Variants in EDIL3 observed in about 807,000 individuals in gnomAD.
The protein encoded by EDIL3 is EGF like and discoidin domains 3.
A neutral mutation model predicts 67.4 loss-of-function variants in EDIL3; 37 were observed. The ratio of observed to expected loss-of-function variants is 0.55; its 90% CI spans 0.42 to 0.72. The LOEUF (loss-of-function observed/expected upper bound fraction) is 0.72, where lower values mean the gene tolerates loss of function less well. Ranked by LOEUF, EDIL3 falls within the 30% of genes least tolerant of loss-of-function variation. The probability of loss-of-function intolerance (pLI) is 0.00; values close to 1 mark genes in which losing one functional copy is unlikely to be tolerated. For synonymous variants in EDIL3, 195 were observed against 196.3 expected (o/e 0.99, Z 0.05); for missense variants, 527 against 586.3 (o/e 0.90, Z 1.04).
chr5:84,236,279 C>T (rs778344214), intron 2 of EDIL3, among the ~76,000 whole-genome samples: 1 of 152,056 alleles, frequency 6.6e-6, no homozygotes, highest in Non-Finnish European at 1.5e-5. Context: ...AAATAGCCTA[C>T]ATTCATATCC....
At chr5:84,044,117 C>G (rs2112217053) in intron 9 of EDIL3, among the ~76,000 whole-genome samples, 1 of 152,086 alleles carries the variant, frequency 6.6e-6, no homozygotes, top group East Asian at 1.9e-4. Context: ...TCCATGTGTT[C>G]TCATTGTTTA....
chr5:84,289,727 C>A (rs553894700), intron 1 of EDIL3, among the ~76,000 whole-genome samples: 38 of 152,268 alleles, frequency 2.5e-4, no homozygotes, highest in African/African-American at 9.1e-4. Flanking sequence ...TATCTCCTTC[C>A]ATTCCTTTGA....
Position 84,191,912 on chromosome 5 carries a change from A to G in EDIL3, c.227-11391T>C, listed in dbSNP as rs886727381. Among the ~76,000 whole-genome samples, 7 of 152,030 alleles carry G rather than the reference A, an allele frequency of 4.6e-5. No homozygotes were observed. In the East Asian group the frequency reaches 1.2e-3, roughly 25 times the overall value. On this transcript the variant is annotated intron_variant, in intron 3 of 10. Transcript: ENST00000296591. Reference sequence around the variant, plus strand: ...ATATCAATTTACATAGACAAACTAAATAAGAATTTTAAAACTAAGAAAATA... The same window carrying G: ...ATATCAATTTACATAGACAAACTAAGTAAGAATTTTAAAACTAAGAAAATA...
intron 2 of EDIL3, among the ~76,000 whole-genome samples, chr5:84,239,169 T>C (rs1744743927): frequency 6.6e-6 from 1 of 152,206 alleles, no homozygotes; most frequent in South Asian, 2.1e-4. Context: ...TGTAATTCTT[T>C]TCTTAACTGA....
intron 3 of EDIL3, among the ~76,000 whole-genome samples, chr5:84,218,420 A>C (rs2112397225): frequency 6.6e-6 from 1 of 152,372 alleles, no homozygotes; most frequent in Admixed American, 6.5e-5. Flanking sequence ...CAATCATTAA[A>C]GTTTAAAAAG....
chr5:83,992,282 T>A (rs1211770508), intron 9 of EDIL3, among the ~76,000 whole-genome samples: 4 of 152,186 alleles, frequency 2.6e-5, no homozygotes, highest in Non-Finnish European at 4.4e-5. Flanking sequence ...AAAAGTCTAT[T>A]TCATGAACTC....
chr5:84,303,849 T>TG (rs1554041087), intron 1 of EDIL3, among the ~76,000 whole-genome samples: 10,066 of 137,472 alleles, frequency 0.073, 325 homozygotes, highest in Non-Finnish European at 0.084. Context: ...TGTGTGTGTG[T>TG]TTGTGTGTGT....
intron 9 of EDIL3, among the ~76,000 whole-genome samples, chr5:84,021,999 C>G (rs1479322765): frequency 6.6e-6 from 1 of 151,788 alleles, no homozygotes; most frequent in African/African-American, 2.4e-5. Flanking sequence ...CCAATCCTCC[C>G]CAAGTTATTC....
chr5:84,012,646 G>A (rs1253632104), intron 9 of EDIL3, among the ~76,000 whole-genome samples: 1 of 152,082 alleles, frequency 6.6e-6, no homozygotes, highest in African/African-American at 2.4e-5. Flanking sequence ...ACTCAGTAAA[G>A]TTTGAGCATA....
intron 5 of EDIL3, among the ~76,000 whole-genome samples, chr5:84,117,743 TA>T (rs1176935142): frequency 6.6e-6 from 1 of 151,964 alleles, no homozygotes; most frequent in Admixed American, 6.6e-5. Context: ...TTTGGCTTTA[TA>T]AAAAAGACTA....
chr5:83,987,494 A>G (rs1175863740), intron 9 of EDIL3, among the ~76,000 whole-genome samples: 5 of 152,180 alleles, frequency 3.3e-5, no homozygotes, highest in African/African-American at 1.2e-4. Context: ...CAAAATATGT[A>G]GCCAATTTTT....
chr5:84,301,465 G>C (rs1746161114), intron 1 of EDIL3, among the ~76,000 whole-genome samples: 2 of 152,134 alleles, frequency 1.3e-5, no homozygotes, highest in African/African-American at 2.4e-5. Flanking sequence ...CTATGTAATG[G>C]AGCATATTCT....
chr5:84,332,301 G>A (rs140843525), intron 1 of EDIL3, among the ~76,000 whole-genome samples: 119 of 152,266 alleles, frequency 7.8e-4, no homozygotes, highest in East Asian at 1.4e-3. Flanking sequence ...GAGCGCGGGG[G>A]TTGGAAACCA....
chr5:84,121,462 C>T (rs1747772196), intron 5 of EDIL3, among the ~76,000 whole-genome samples: 1 of 151,804 alleles, frequency 6.6e-6, no homozygotes, highest in Non-Finnish European at 1.5e-5. Context: ...TTCTTAATGG[C>T]GTCCCCTTTA....
intron 4 of EDIL3, among the ~76,000 whole-genome samples, chr5:84,151,205 T>A (rs1748382201): frequency 6.6e-6 from 1 of 151,908 alleles, no homozygotes; most frequent in South Asian, 2.1e-4. Flanking sequence ...AAAAAGTGAT[T>A]TTTATAATCC....
chr5:84,309,754 T>C (rs960783311), intron 1 of EDIL3, among the ~76,000 whole-genome samples: 3 of 152,198 alleles, frequency 2.0e-5, no homozygotes, highest in African/African-American at 7.2e-5. Flanking sequence ...TGTTGGACAT[T>C]TGGGTTGATT....
At chr5:84,253,020 A>G (rs945856319) in intron 2 of EDIL3, among the ~76,000 whole-genome samples, 1 of 152,204 alleles carries the variant, frequency 6.6e-6, no homozygotes, top group African/African-American at 2.4e-5. Context: ...GCACACTACA[A>G]TCCAGTAACT....
chr5:84,026,523 T>C (rs1327624601), intron 9 of EDIL3, among the ~76,000 whole-genome samples: 2 of 152,204 alleles, frequency 1.3e-5, no homozygotes, highest in African/African-American at 4.8e-5. Context: ...GCATTTTTCT[T>C]GTGGGCATTT....
chr5:84,185,848 A>G (rs1561456613), intron 3 of EDIL3, among the ~76,000 whole-genome samples: 1 of 152,158 alleles, frequency 6.6e-6, no homozygotes, highest in Non-Finnish European at 1.5e-5. Context: ...TTTGGCAAAT[A>G]CATAATCAAG....
Sources: allele counts gnomAD v4.1 joint callset (sites outside exome capture counted in the v4.1 genomes callset), GRCh38; gene constraint gnomAD v4.1.1; transcripts MANE v1.5; gene names NCBI Gene and HGNC (gene_info 2026-07-23, HGNC 2026-07-21).